Variants in TNXB observed in about 807,000 individuals in gnomAD.
TNXB encodes the protein tenascin XB, also known as tenascin-X.
In TNXB, 183 loss-of-function variants were observed where a neutral mutation model predicts 340.5. The observed-to-expected ratio is 0.54, with a 90% CI of 0.48 to 0.61. The LOEUF is 0.61. Ranked by LOEUF, TNXB falls within the 20% of genes least tolerant of loss-of-function variation. The pLI is 0.00. For missense variants in TNXB, 4,613 were observed against 5,446.4 expected (o/e 0.85, Z 4.82); for synonymous variants, 2,121 against 2,314.5 (o/e 0.92, Z 2.40).
At position 32,096,022 on chromosome 6, in the gene TNXB, A is replaced by G; in HGVS notation, c.1831T>C (p.Tyr611His). 1.2e-6 allele frequency: 2 copies of G among 1,613,098 alleles called. No homozygotes were observed. Among genetic ancestry groups the G allele is most frequent in the African/African-American group, 1.3e-5 (1 of 75,034 alleles). Residue 611 changes from tyrosine (Y) to histidine (H), a missense_variant, in exon 3 of 44, where the codon TAC becomes CAC. Transcript: ENST00000644971. The part of the protein sequence containing the change: ...QDGVCICWEG[Y>H]VSEDCSIRTC... ...CGGATGCTGCAGTCCTCACTCACGT[A>G]GCCTTCCCAACAGATGCACACACCG...
chr6:32,101,405 C>G (rs1039843066), intron 1 of TNXB, among the ~76,000 whole-genome samples: 2 of 152,088 alleles, frequency 1.3e-5, no homozygotes, highest in African/African-American at 4.8e-5. Context: ...TCTCCTGCCT[C>G]AGCCTCCTGA....
Position 32,085,548 on chromosome 6 carries a change from TATC to T in TNXB, c.3148+199_3148+201del, listed in dbSNP as rs960343966. 6.6e-6 allele frequency among the ~76,000 whole-genome samples: 1 copy of T among 152,052 alleles called. No homozygotes were observed. The highest frequency in any genetic ancestry group is 2.4e-5 in the African/African-American group (1 of 41,396). ...TCTTTCCCCTCTCCCCACCCATCCT[TATC>T]ATTGTTTTAAGATCCCCCTCGATCC... On this transcript the variant is annotated intron_variant, in intron 7 of 43. Transcript: ENST00000644971. The surrounding 1 kb of genome is among the most constrained non-coding windows in gnomAD (Gnocchi z 6.4).
intron 26 of TNXB, among the ~76,000 whole-genome samples, chr6:32,050,947 C>T (rs1777252240): frequency 6.6e-6 from 1 of 152,204 alleles, no homozygotes; most frequent in Non-Finnish European, 1.5e-5. Flanking sequence ...GCTGCTGGGG[C>T]CATCTCAGCA....
At chr6:32,055,322 G>C (rs936516053) in intron 24 of TNXB, among the ~76,000 whole-genome samples, 1 of 152,172 alleles carries the variant, frequency 6.6e-6, no homozygotes, top group Non-Finnish European at 1.5e-5. Context: ...AGTTTCTGGA[G>C]GTCGTTGGCC....
rs1408045007 is a variant in TNXB at position 32,095,671 on chromosome 6, C to A, written c.2182G>T (p.Glu728Ter). 6.2e-7 allele frequency: 1 copy of A among 1,614,082 alleles called. No homozygotes were observed. The highest frequency in any genetic ancestry group is 1.7e-5 in the Admixed American group (1 of 60,036). The change falls in exon 3 of 44, where the codon GAG becomes TAG. Residue 728 changes from glutamate to a stop codon, truncating the protein, a stop_gained. Transcript: ENST00000644971. LOFTEE classifies it high-confidence loss of function. Reference protein sequence around the residue: ...TCPGDCRGRGECHDGSCVCKD... With the variant: ...TCPGDCRGRG Reference sequence around the variant, plus strand: ...CAGACACAGCTGCCATCGTGACACTCTCCTCGGCCACGGCAGTCCCCTGGG... The same window carrying A: ...CAGACACAGCTGCCATCGTGACACTATCCTCGGCCACGGCAGTCCCCTGGG...
Position 32,062,716 on chromosome 6 carries a change from C to G in TNXB, c.6842-233G>C. ...TGTGCAGGCCTGGGACCCTTAGGAG[C>G]TGCCAAGCAAATTTGTTTTGCAGGA... On this transcript the variant is annotated intron_variant, in intron 19 of 43. Transcript: ENST00000644971. The surrounding 1 kb of genome is among the most constrained non-coding windows in gnomAD (Gnocchi z 4.3). Among the ~76,000 whole-genome samples, 1 of 152,186 alleles carries G rather than the reference C, an allele frequency of 6.6e-6. No homozygotes were observed. Among genetic ancestry groups the G allele is most frequent in the East Asian group, 1.9e-4 (1 of 5,196 alleles).
rs950738841 is a variant in TNXB, at chr6:32,047,347, G to A, written c.10324+387C>T. On this transcript the variant is annotated intron_variant, in intron 30 of 43. Transcript: ENST00000644971. This position sits in a 1 kb window ranked among gnomAD's most constrained non-coding sequence, Gnocchi z 6.2. ...AGCCCTCCCTTTTCTTCCACCCCTC[G>A]GCTCCGAGTCAGGGAGGAGGGAGGA... 2.0e-5 allele frequency among the ~76,000 whole-genome samples: 3 copies of A among 152,136 alleles called. No individual in the cohort carries two copies. Among genetic ancestry groups the A allele is most frequent in the East Asian group, 1.9e-4 (1 of 5,180 alleles).
intron 28 of TNXB, among the ~76,000 whole-genome samples, chr6:32,048,853 T>C (rs1777073710): frequency 6.6e-6 from 1 of 152,230 alleles, no homozygotes; most frequent in Non-Finnish European, 1.5e-5. Context: ...GGTGCCATTA[T>C]TATCATCACC....
At chr6:32,105,794 C>T (rs1032079499) in intron 1 of TNXB, among the ~76,000 whole-genome samples, 5 of 152,210 alleles carry the variant, frequency 3.3e-5, no homozygotes, top group African/African-American at 7.2e-5. Context: ...AAGGTGAACA[C>T]ATGCAAACCC....
chr6:32,084,652 G>A lies in TNXB; in HGVS notation c.3206C>T (p.Thr1069Met), dbSNP rs755472309. The A allele has an allele frequency of 1.1e-5, 17 of 1,597,056 alleles. No homozygotes were observed. Among genetic ancestry groups the A allele is most frequent in the Non-Finnish European group, 1.5e-5 (17 of 1,171,370 alleles). Residue 1069 changes from threonine to methionine, a missense_variant, in exon 8 of 44, where the codon ACG becomes ATG. Transcript: ENST00000644971. This position sits in a 1 kb window ranked among gnomAD's most constrained non-coding sequence, Gnocchi z 5.5. The stretch of plus-strand genomic sequence containing the variant: ...GGAGTCGGAGGTCCTGTCTGTCACC[G>A]TCAGCTCACCCAGGCGTGGTGGGCC... Reference protein sequence around the residue: ...SSGPPRLGELTVTDRTSDSLL... With the variant: ...SSGPPRLGELMVTDRTSDSLL...
chr6:32,087,857 ACTC>A lies in TNXB; in HGVS notation c.2779+925_2779+927del, dbSNP rs1332074716. ...TGGGACAGGCTTGGCCTGGGCGGGGACTCCTCCTCCCTTTCCTCTGCTGGCCTC... is the reference window on the plus strand; with the variant it reads ...TGGGACAGGCTTGGCCTGGGCGGGGACTCCTCCCTTTCCTCTGCTGGCCTC... On this transcript the variant is annotated intron_variant, in intron 6 of 43. Transcript: ENST00000644971. This position sits in a 1 kb window ranked among gnomAD's most constrained non-coding sequence, Gnocchi z 9.0. The A allele has an allele frequency of 6.6e-6, 3 of 454,520 alleles. No homozygotes were observed. Among genetic ancestry groups the A allele is most frequent in the East Asian group, 7.2e-5 (1 of 13,828 alleles). The allele number at this position is 454,520 out of a possible 1,614,324, so 28.2% of individuals were successfully genotyped here.
At position 32,070,555 on chromosome 6, in the gene TNXB, T is replaced by C. The variant is rs1778713744; in HGVS notation, c.4991-141A>G. On this transcript the variant is annotated intron_variant, in intron 13 of 43. Coordinates refer to ENST00000644971, the MANE Select transcript of TNXB (RefSeq NM_001365276.2). This position sits in a 1 kb window ranked among gnomAD's most constrained non-coding sequence, Gnocchi z 6.0. ...CCATCACCTCCCATCCTCACCACCATCTCCGTCTGGTCCATGCCTCTCTCC... is the reference window on the plus strand; with the variant it reads ...CCATCACCTCCCATCCTCACCACCACCTCCGTCTGGTCCATGCCTCTCTCC... 1.0e-6 allele frequency: 1 copy of C among 956,078 alleles called. No homozygotes were observed. The highest frequency in any genetic ancestry group is 1.5e-6 in the Non-Finnish European group (1 of 664,488). The allele number at this position is 956,078 out of a possible 1,614,324, so 59.2% of individuals were successfully genotyped here.
chr6:32,064,232 A>G lies in TNXB; in HGVS notation c.6841+589T>C, dbSNP rs577561724. ...TTTGTTTGCTTGTTTTGTTTTTTTG[A>G]GACAGGGTCTCACTCTGTCACACAG... On this transcript the variant is annotated intron_variant, in intron 19 of 43. Coordinates refer to ENST00000644971, the MANE Select transcript of TNXB (RefSeq NM_001365276.2). The surrounding 1 kb of genome is among the most constrained non-coding windows in gnomAD (Gnocchi z 5.3). 6.6e-6 allele frequency among the ~76,000 whole-genome samples: 1 copy of G among 152,098 alleles called. No individual in the cohort carries two copies. Among genetic ancestry groups the G allele is most frequent in the East Asian group, 1.9e-4 (1 of 5,172 alleles).
In TNXB at chr6:32,046,294, G is replaced by C; in HGVS notation, c.10487C>G (p.Ala3496Gly). Residue 3496 changes from alanine to glycine, a missense_variant, in exon 31 of 44, where the codon GCC becomes GGC. Physicochemically the swap from Ala to Gly is moderately conservative, Grantham distance 60. Transcript: ENST00000644971. The surrounding 1 kb of genome is among the most constrained non-coding windows in gnomAD (Gnocchi z 6.9). ...TACGGTGACTGTGCGCTGGTCTGCG[G>C]CCACAGGCACTGCCCTGGGCTGCCC... ...TDGQPRAVPV[A>G]ADQRTVTVED... 1 of 1,606,662 alleles carries C rather than the reference G, an allele frequency of 6.2e-7. No homozygotes were observed. Among genetic ancestry groups the C allele is most frequent in the Non-Finnish European group, 8.5e-7 (1 of 1,178,166 alleles).
rs1173949450 is a variant in TNXB, at chr6:32,090,047, G to A, written c.2359-668C>T. On this transcript the variant is annotated intron_variant, in intron 4 of 43. Transcript: ENST00000644971. This position sits in a 1 kb window ranked among gnomAD's most constrained non-coding sequence, Gnocchi z 4.3. ...CCCGCATCACAACCTTTCCCTTGAGGGACTTTTCTTGTCTCTTCACCCGGG... is the reference window on the plus strand; with the variant it reads ...CCCGCATCACAACCTTTCCCTTGAGAGACTTTTCTTGTCTCTTCACCCGGG... Among the ~76,000 whole-genome samples the A allele has an allele frequency of 6.6e-6, 1 of 152,120 alleles. No homozygotes were observed. The highest frequency in any genetic ancestry group is 2.4e-5 in the African/African-American group (1 of 41,422).
At chr6:32,100,576 A>C (rs1284338466) in intron 1 of TNXB, among the ~76,000 whole-genome samples, 1 of 152,164 alleles carries the variant, frequency 6.6e-6, no homozygotes. Flanking sequence ...AAAAACAAAA[A>C]GAATTCACTG....
Position 32,070,082 on chromosome 6 carries a change from G to A in TNXB, c.5278+45C>T. ...CACCACAAGTGACCGTCTGCTGCTT[G>A]GCCTGAGGGGAGCAGAGCAGGGACC... is the stretch of plus-strand genomic sequence containing the variant. On this transcript the variant is annotated intron_variant, in intron 14 of 43. Transcript: ENST00000644971. This position sits in a 1 kb window ranked among gnomAD's most constrained non-coding sequence, Gnocchi z 6.0. The A allele has an allele frequency of 6.7e-7, 1 of 1,499,014 alleles. No homozygotes were observed. Among genetic ancestry groups the A allele is most frequent in the Non-Finnish European group, 8.9e-7 (1 of 1,127,942 alleles). The allele number at this position is 1,499,014 out of a possible 1,614,324, so 92.9% of individuals were successfully genotyped here. A position where few individuals can be genotyped will look rare whatever the true frequency, so the allele number is the denominator to read the frequency against.
rs1370169851 is a variant in TNXB, at chr6:32,049,336, T to C, written c.9691A>G (p.Lys3231Glu). Residue 3231 changes from lysine to glutamate, a missense_variant, in exon 28 of 44, where the codon AAG (lysine) becomes GAG (glutamate). Lys to Glu is a moderately conservative substitution (Grantham distance 56). Around this residue, in one of 7 missense-constraint regions of TNXB, gnomAD observed 4,327 missense variants for 4,859.4 expected, o/e 0.89. Coordinates refer to ENST00000644971, the MANE Select transcript of TNXB (RefSeq NM_001365276.2). The surrounding 1 kb of genome is among the most constrained non-coding windows in gnomAD (Gnocchi z 4.5). ...TCGTGGAGGCCGTACAGATGCATCT[T>C]GTATTTGCGCCCGGGCTCCAGGCCC... ...VGGLEPGRKYKMHLYGLHEGQ... is the reference protein window; with the variant it reads ...VGGLEPGRKYEMHLYGLHEGQ... The C allele has an allele frequency of 1.2e-6, 2 of 1,612,500 alleles. No homozygotes were observed. Among genetic ancestry groups the C allele is most frequent in the South Asian group, 1.1e-5 (1 of 91,016 alleles).
intron 1 of TNXB, among the ~76,000 whole-genome samples, chr6:32,100,017 T>C (rs545968202): frequency 1.3e-5 from 2 of 149,324 alleles, no homozygotes; most frequent in East Asian, 3.9e-4. Flanking sequence ...TAATTTGAGA[T>C]GAACCCAGGA....
Sources: gnomAD v4.1 joint callset for allele counts (sites outside exome capture counted in the v4.1 genomes callset) on GRCh38, gnomAD v4.1.1 for gene constraint, gnomAD v4.1.1 regional missense constraint, Gnocchi (gnomAD v3.1) non-coding constraint, MANE v1.5 for transcripts, NCBI Gene and HGNC (gene_info 2026-07-23, HGNC 2026-07-21) for gene names.